GABRB1: variants seen among roughly 807,000 people sequenced by gnomAD.
The protein encoded by GABRB1 is gamma-aminobutyric acid receptor subunit beta-1.
A neutral mutation model predicts 51.6 loss-of-function variants in GABRB1; 17 were observed. The ratio of observed to expected loss-of-function variants is 0.33; its 90% CI spans 0.23 to 0.49. GABRB1 has a LOEUF of 0.49. Ranked by LOEUF, GABRB1 falls within the 20% of genes least tolerant of loss-of-function variation. The probability of loss-of-function intolerance (pLI) is 0.99; values close to 1 mark genes in which losing one functional copy is unlikely to be tolerated. For synonymous variants in GABRB1, 247 were observed against 218.9 expected, an observed-to-expected ratio of 1.13 and a Z score of -1.14; for missense variants, 410 against 600.6, an observed-to-expected ratio of 0.68 and a Z score of 3.32.
At chr4:47,182,351 T>C (rs527464081) in intron 4 of GABRB1, among the ~76,000 whole-genome samples, 1 of 151,966 alleles carries the variant, frequency 6.6e-6, no homozygotes, top group Non-Finnish European at 1.5e-5. Context: ...AGAAAAAAGG[T>C]ATGACATTCA....
At position 47,347,051 on chromosome 4, in the gene GABRB1, G is replaced by A. The variant is rs1726124408; in HGVS notation, c.544+26842G>A. On this transcript the variant is annotated intron_variant, in intron 5 of 8. Transcript: ENST00000295454. ...AATCCCAGTACTCTGGGAGGCTGAG[G>A]CGGGTGGATCACTCGAGGTCAGGAG... Among the ~76,000 whole-genome samples the A allele has an allele frequency of 2.0e-5, 3 of 152,156 alleles. No individual in the cohort carries two copies. In the South Asian group the frequency reaches 6.2e-4, roughly 32 times the overall value.
intron 5 of GABRB1, among the ~76,000 whole-genome samples, chr4:47,364,791 A>G (rs1726921309): frequency 6.6e-6 from 1 of 152,168 alleles, no homozygotes; most frequent in Non-Finnish European, 1.5e-5. Context: ...CAATACTTAG[A>G]AGATGCGCAT....
intron 5 of GABRB1, among the ~76,000 whole-genome samples, chr4:47,379,707 T>A (rs1299437482): frequency 6.6e-6 from 1 of 152,208 alleles, no homozygotes; most frequent in Admixed American, 6.5e-5. Flanking sequence ...TATCAGCACT[T>A]TCATATGATT....
At chr4:47,119,358 A>C (rs1374095096) in intron 3 of GABRB1, among the ~76,000 whole-genome samples, 2 of 152,190 alleles carry the variant, frequency 1.3e-5, no homozygotes, top group African/African-American at 4.8e-5. Flanking sequence ...TTTAGGAAAC[A>C]GTGGAGTTTT....
At position 47,064,362 on chromosome 4, in the gene GABRB1, C is replaced by T. The variant is rs939552101; in HGVS notation, c.240+31878C>T. Among the ~76,000 whole-genome samples the T allele has an allele frequency of 4.1e-4, 62 of 152,212 alleles. 1 individual carries two copies. The highest frequency in any genetic ancestry group is 1.3e-3 in the African/African-American group (54 of 41,534). ...TTCAAAGAAGTTATCAGGCCAGGTG[C>T]GGTGGCTCACGCCTGTAATCCCAGT... On this transcript the variant is annotated intron_variant, in intron 3 of 8. Transcript: ENST00000295454.
intron 4 of GABRB1, among the ~76,000 whole-genome samples, chr4:47,302,906 C>G (rs1419885564): frequency 6.6e-6 from 1 of 151,946 alleles, no homozygotes; most frequent in Non-Finnish European, 1.5e-5. Context: ...GTAATGGTCA[C>G]AGAAATTAAC....
At chr4:47,390,120 G>T (rs1270259856) in intron 5 of GABRB1, among the ~76,000 whole-genome samples, 2 of 152,186 alleles carry the variant, frequency 1.3e-5, no homozygotes, top group Non-Finnish European at 2.9e-5. Context: ...AGGTTTCTTT[G>T]GGACTGGATC....
intron 4 of GABRB1, among the ~76,000 whole-genome samples, chr4:47,195,640 T>A (rs377232497): frequency 9.5e-4 from 144 of 152,342 alleles, no homozygotes; most frequent in Non-Finnish European, 1.5e-3. Context: ...GAACTGTATG[T>A]CCATAAGGAC....
intron 4 of GABRB1, among the ~76,000 whole-genome samples, chr4:47,188,053 A>G (rs1444553241): frequency 6.6e-6 from 1 of 151,978 alleles, no homozygotes. Context: ...TTGGATACCT[A>G]TCTCCAAACA....
intron 4 of GABRB1, among the ~76,000 whole-genome samples, chr4:47,268,155 TAA>T (rs1293867110): frequency 2.6e-5 from 4 of 152,138 alleles, no homozygotes; most frequent in African/African-American, 9.7e-5. Flanking sequence ...TCTATTAATA[TAA>T]GAGTAAAAAT....
intron 4 of GABRB1, among the ~76,000 whole-genome samples, chr4:47,269,311 C>T (rs1722763303): frequency 1.3e-5 from 2 of 152,280 alleles, no homozygotes; most frequent in African/African-American, 4.8e-5. Context: ...TCATTATGCA[C>T]TTCTTTATTA....
rs542630902 is a variant in GABRB1, at chr4:47,173,845, A to C, written c.461+12376A>C. Among the ~76,000 whole-genome samples, 3 of 152,242 alleles carry C rather than the reference A, an allele frequency of 2.0e-5. No homozygotes were observed. In the South Asian group the frequency reaches 6.2e-4, roughly 32 times the overall value. On this transcript the variant is annotated intron_variant, in intron 4 of 8. Coordinates refer to ENST00000295454, the MANE Select transcript of GABRB1 (RefSeq NM_000812.4). The stretch of plus-strand genomic sequence containing the variant: ...CTGCTCAGAAACAGATTGATTCTCC[A>C]TTATCCACCACATCAAGTTGAAATT...
At chr4:47,299,095 G>A (rs1724138361) in intron 4 of GABRB1, among the ~76,000 whole-genome samples, 1 of 151,020 alleles carries the variant, frequency 6.6e-6, no homozygotes, top group Non-Finnish European at 1.5e-5. Flanking sequence ...AATTCAAGAT[G>A]GATTAAAGAT....
intron 5 of GABRB1, among the ~76,000 whole-genome samples, chr4:47,364,558 A>G (rs924006501): frequency 6.6e-6 from 1 of 151,876 alleles, no homozygotes; most frequent in African/African-American, 2.4e-5. Context: ...TGAAAATGGA[A>G]GGTTCAACAA....
At chr4:47,329,289 A>C (rs1725376479) in intron 5 of GABRB1, among the ~76,000 whole-genome samples, 1 of 151,970 alleles carries the variant, frequency 6.6e-6, no homozygotes, top group Admixed American at 6.6e-5. Context: ...CTATGATCAG[A>C]GTTGCCCAGT....
intron 1 of GABRB1, among the ~76,000 whole-genome samples, chr4:47,015,442 T>C (rs1294367316): frequency 2.0e-5 from 3 of 152,230 alleles, no homozygotes; most frequent in Admixed American, 6.5e-5. Flanking sequence ...TAATAGATTA[T>C]ATTAGCCTAA....
chr4:47,136,237 T>C (rs895851820), intron 3 of GABRB1, among the ~76,000 whole-genome samples: 5 of 152,142 alleles, frequency 3.3e-5, no homozygotes, highest in African/African-American at 1.2e-4. Context: ...AGTGATCTTC[T>C]GACCTCTGTC....
At chr4:47,081,742 G>A (rs1439690595) in intron 3 of GABRB1, among the ~76,000 whole-genome samples, 4 of 151,998 alleles carry the variant, frequency 2.6e-5, no homozygotes, top group Admixed American at 6.6e-5. Context: ...TATAATTAAC[G>A]TCTACTGGCT....
chr4:47,401,840 C>CT (rs774723989), intron 5 of GABRB1, among the ~76,000 whole-genome samples: 1 of 41,494 alleles, frequency 2.4e-5, no homozygotes, highest in Non-Finnish European at 5.0e-5. Context: ...ATCTATCTAT[C>CT]ATCTATCTAT....
Sources: allele counts gnomAD v4.1 joint callset (sites outside exome capture counted in the v4.1 genomes callset), GRCh38; gene constraint gnomAD v4.1.1; transcripts MANE v1.5; gene names NCBI Gene and HGNC (gene_info 2026-07-23, HGNC 2026-07-21).